STARD13: variants seen among roughly 807,000 people sequenced by gnomAD.
The protein encoded by STARD13 is StAR related lipid transfer domain containing 13.
STARD13 carries 62 observed loss-of-function variants against 106.4 expected under a neutral mutation model. The observed-to-expected ratio is 0.58, with a 90% CI of 0.48 to 0.72. The LOEUF is 0.72. STARD13 is among the 30% of genes least tolerant of loss of function. STARD13 has a pLI of 0.00. For missense variants in STARD13, 1,387 were observed against 1,424.0 expected (o/e 0.97, Z 0.42); for synonymous variants, 565 against 553.0 (o/e 1.02, Z -0.31).
At chr13:33,629,169 A>G in the STARD13 span, among the ~76,000 whole-genome samples, 1 of 152,194 alleles carries the variant, frequency 6.6e-6, no homozygotes, top group Non-Finnish European at 1.5e-5. Context: ...CCCCAACTCC[A>G]CGGGCCAAAC....
the STARD13 span, among the ~76,000 whole-genome samples, chr13:33,441,402 A>G: frequency 1.3e-5 from 2 of 152,296 alleles, no homozygotes; most frequent in East Asian, 3.9e-4. Flanking sequence ...TCTAAGAATA[A>G]ATACAGTTTT....
At chr13:33,388,502 T>A in the STARD13 span, among the ~76,000 whole-genome samples, 1 of 152,112 alleles carries the variant, frequency 6.6e-6, no homozygotes, top group East Asian at 1.9e-4. Flanking sequence ...GCTGCTGGGA[T>A]TGTTGCTCAA....
At chr13:33,251,627 A>G (rs917444354) in intron 1 of STARD13, among the ~76,000 whole-genome samples, 1 of 152,236 alleles carries the variant, frequency 6.6e-6, no homozygotes, top group South Asian at 2.1e-4. Context: ...TAGTAAGTGG[A>G]TGCACATGTT....
At chr13:33,486,202 A>T in the STARD13 span, among the ~76,000 whole-genome samples, 1 of 152,182 alleles carries the variant, frequency 6.6e-6, no homozygotes, top group Non-Finnish European at 1.5e-5. Flanking sequence ...TGGGTTTCTC[A>T]GTGTCCATAC....
chr13:33,360,011 G>A, the STARD13 span, among the ~76,000 whole-genome samples: 6 of 152,210 alleles, frequency 3.9e-5, no homozygotes, highest in African/African-American at 1.4e-4. Context: ...ACTGGTCTCT[G>A]ATTCTTTCAG....
rs888271998 is a variant in STARD13 at position 33,180,703 on chromosome 13, T to C, written c.170-13081A>G. ...CTAGGTGTATATTCAGGGATCTGCTTTGTGAGGAGGTGACGGGGAAAGTAA... is the reference window on the plus strand; with the variant it reads ...CTAGGTGTATATTCAGGGATCTGCTCTGTGAGGAGGTGACGGGGAAAGTAA... On this transcript the variant is annotated intron_variant, in intron 1 of 13. Coordinates refer to ENST00000336934, the MANE Select transcript of STARD13 (RefSeq NM_178006.4). Among the ~76,000 whole-genome samples, 10 of 152,288 alleles carry C rather than the reference T, an allele frequency of 6.6e-5. No homozygotes were observed. In the East Asian group the frequency reaches 1.9e-3, roughly 29 times the overall value.
At chr13:33,431,211 A>G in the STARD13 span, among the ~76,000 whole-genome samples, 1 of 152,176 alleles carries the variant, frequency 6.6e-6, no homozygotes, top group African/African-American at 2.4e-5. Context: ...TCTATTGCGC[A>G]TAGATAAAAC....
At chr13:33,671,307 T>C in the STARD13 span, among the ~76,000 whole-genome samples, 1 of 152,270 alleles carries the variant, frequency 6.6e-6, no homozygotes, top group Non-Finnish European at 1.5e-5. Context: ...TAAAAGACCA[T>C]ATGTCTTCCA....
chr13:33,455,354 T>C, the STARD13 span, among the ~76,000 whole-genome samples: 1 of 152,136 alleles, frequency 6.6e-6, no homozygotes, highest in Non-Finnish European at 1.5e-5. Flanking sequence ...TCCCCTTATG[T>C]ATAGTTCTCT....
At chr13:33,106,716 C>A (rs755389382) in intron 13 of STARD13, 42 bp downstream of exon 13, 2 of 1,539,884 alleles carry the variant, frequency 1.3e-6, no homozygotes, top group African/African-American at 2.7e-5. Context: ...CAAGCTGAGA[C>A]TCCCAAGATC....
rs185665576 is a variant in STARD13, at chr13:33,268,815, T to G, written c.169+16655A>C. On this transcript the variant is annotated intron_variant, in intron 1 of 13. Transcript: ENST00000336934. Reference sequence around the variant, plus strand: ...AAGTCTTAATAACTCCATGTCAGATTATTAGCATCAATCACAAAACATGGT... The same window carrying G: ...AAGTCTTAATAACTCCATGTCAGATGATTAGCATCAATCACAAAACATGGT... 1.4e-3 allele frequency among the ~76,000 whole-genome samples: 219 copies of G among 152,330 alleles called. No homozygotes were observed. The Middle Eastern group carries it at 0.024, about 17-fold the overall frequency.
chr13:33,551,996 A>G, the STARD13 span, among the ~76,000 whole-genome samples: 10 of 152,184 alleles, frequency 6.6e-5, no homozygotes, highest in African/African-American at 1.2e-4. Flanking sequence ...TGCAGTGAAT[A>G]CACTAATATT....
chr13:33,242,296 T>C (rs1352854003), intron 1 of STARD13, among the ~76,000 whole-genome samples: 2 of 152,128 alleles, frequency 1.3e-5, no homozygotes, highest in Non-Finnish European at 2.9e-5. Context: ...GAGGGCAGTT[T>C]TGTCAAATAG....
At chr13:33,146,703 G>A (rs523656) in intron 3 of STARD13, among the ~76,000 whole-genome samples, 70,705 of 152,076 alleles carry the variant, frequency 0.46, 16,649 homozygotes, top group East Asian at 0.58. Flanking sequence ...AGTACTGGCA[G>A]ATATTGTCAA....
chr13:33,123,748 G>T (rs1311326860), intron 7 of STARD13, among the ~76,000 whole-genome samples: 2 of 152,228 alleles, frequency 1.3e-5, no homozygotes, highest in Non-Finnish European at 2.9e-5. Context: ...ACAAAAGGCT[G>T]GCAATGTGTC....
chr13:33,361,202 T>C, the STARD13 span, among the ~76,000 whole-genome samples: 20 of 151,388 alleles, frequency 1.3e-4, no homozygotes, highest in Non-Finnish European at 2.7e-4. Context: ...AGACCAACCC[T>C]CTTTTATTCT....
At chr13:33,199,337 T>G (rs1886853543) in intron 1 of STARD13, among the ~76,000 whole-genome samples, 1 of 152,254 alleles carries the variant, frequency 6.6e-6, no homozygotes, top group Non-Finnish European at 1.5e-5. Flanking sequence ...TTTTCATAGT[T>G]CCTTTCACAC....
At chr13:33,557,411 T>C in the STARD13 span, among the ~76,000 whole-genome samples, 5 of 152,202 alleles carry the variant, frequency 3.3e-5, no homozygotes, top group African/African-American at 1.2e-4. Flanking sequence ...TGAATTTTCA[T>C]GTTATTCTAC....
At chr13:33,229,679 A>C in intron 1 of STARD13, among the ~76,000 whole-genome samples, 1 of 152,234 alleles carries the variant, frequency 6.6e-6, no homozygotes, top group East Asian at 1.9e-4. Context: ...AGCTTTGGTT[A>C]ATTAGCAATC....
Sources: allele counts gnomAD v4.1 joint callset (sites outside exome capture counted in the v4.1 genomes callset), GRCh38; gene constraint gnomAD v4.1.1; transcripts MANE v1.5; gene names NCBI Gene and HGNC (gene_info 2026-07-23, HGNC 2026-07-21).